The following EXOC1 variants were observed in gnomAD, a reference collection of about 807,000 sequenced individuals.
EXOC1 encodes exocyst complex component 1, also known as SEC3-like 1.
A neutral mutation model predicts 107.7 loss-of-function variants in EXOC1; 67 were observed. The observed-to-expected ratio is 0.62, with a 90% CI of 0.51 to 0.76. The LOEUF is 0.76. EXOC1 is among the 30% of genes least tolerant of loss of function. The pLI, the probability that EXOC1 is intolerant of heterozygous loss-of-function variation, is 0.00. For synonymous variants in EXOC1, 348 were observed against 353.5 expected (o/e 0.98, Z 0.17); for missense variants, 833 against 1,055.7 (o/e 0.79, Z 2.92).
At chr4:55,892,112 A>G (rs945228763) in intron 13 of EXOC1, among the ~76,000 whole-genome samples, 1 of 152,252 alleles carries the variant, frequency 6.6e-6, no homozygotes, top group Non-Finnish European at 1.5e-5. Context: ...CATAAAATAA[A>G]TGAGAAATGG....
chr4:55,877,949 C>T lies in EXOC1; in HGVS notation c.1107C>T (p.His369=), dbSNP rs1285234388. 1.2e-6 allele frequency: 2 copies of T among 1,613,794 alleles called. No homozygotes were observed. Among genetic ancestry groups the T allele is most frequent in the East Asian group, 2.2e-5 (1 of 44,840 alleles). The change falls in exon 9 of 19, where the codon CAC becomes CAT. Residue 369 remains histidine, a synonymous_variant. Transcript: ENST00000381295. The stretch of plus-strand genomic sequence containing the variant: ...ATCAGAGTTCGACTCTTGCCCAACA[C>T]TCTGTTGAACTGACTTTACCCAATC... The part of the protein sequence containing the change: ...GHDQSSTLAQ[H]SVELTLPNHH...
intron 18 of EXOC1, among the ~76,000 whole-genome samples, chr4:55,903,175 AAGAAAAAG>A (rs1480803613): frequency 8.7e-5 from 13 of 149,878 alleles, no homozygotes; most frequent in South Asian, 4.2e-4. Flanking sequence ...GAAAGAAAGA[AAGAAAAAG>A]AAAGAAAGAG....
intron 1 of EXOC1, among the ~76,000 whole-genome samples, chr4:55,855,046 G>A (rs1434670316): frequency 2.0e-5 from 3 of 152,184 alleles, no homozygotes; most frequent in Non-Finnish European, 4.4e-5. Flanking sequence ...TGGATAGGGC[G>A]GAGATGATAT....
chr4:55,867,308 T>G (rs1171234527), intron 4 of EXOC1, among the ~76,000 whole-genome samples: 2 of 152,192 alleles, frequency 1.3e-5, no homozygotes, highest in Non-Finnish European at 2.9e-5. Context: ...TACCAAAAGT[T>G]TTAGTCTTCT....
At chr4:55,861,963 A>C (rs1721515826) in intron 3 of EXOC1, among the ~76,000 whole-genome samples, 1 of 152,130 alleles carries the variant, frequency 6.6e-6, no homozygotes, top group Admixed American at 6.5e-5. Context: ...CTGAGGCAAG[A>C]GAATTGCTTG....
chr4:55,879,495 T>G (rs1301842704), intron 9 of EXOC1, among the ~76,000 whole-genome samples: 1 of 152,040 alleles, frequency 6.6e-6, no homozygotes, highest in Non-Finnish European at 1.5e-5. Context: ...CTGGAAGGGA[T>G]TGTGGACCAT....
chr4:55,869,785 T>G (rs889816354), intron 5 of EXOC1, among the ~76,000 whole-genome samples: 14 of 152,240 alleles, frequency 9.2e-5, no homozygotes, highest in African/African-American at 2.9e-4. Flanking sequence ...AAATAACGTG[T>G]GAAACCACAG....
intron 16 of EXOC1, among the ~76,000 whole-genome samples, chr4:55,897,287 C>T (rs1368997200): frequency 2.0e-5 from 3 of 151,960 alleles, no homozygotes; most frequent in Non-Finnish European, 2.9e-5. Context: ...CTACCATGCC[C>T]TGCTAATTTT....
At chr4:55,876,955 CT>C in intron 8 of EXOC1, 1 of 985,316 alleles carries the variant, frequency 1.0e-6, no homozygotes, top group Non-Finnish European at 1.2e-6. Flanking sequence ...ATACTCCCAT[CT>C]TTCTTTCTCA....
At chr4:55,868,123 G>C (rs1722117783) in intron 4 of EXOC1, among the ~76,000 whole-genome samples, 1 of 152,068 alleles carries the variant, frequency 6.6e-6, no homozygotes, top group African/African-American at 2.4e-5. Flanking sequence ...TAGACTGCAT[G>C]CTTTTTATTT....
At chr4:55,854,461 C>T (rs75597923) in intron 1 of EXOC1, among the ~76,000 whole-genome samples, 2,268 of 152,086 alleles carry the variant, frequency 0.015, 40 homozygotes, top group African/African-American at 0.046. Context: ...TAGAGGACCT[C>T]TAGGGATTTA....
chr4:55,889,266 A>G (rs1724241623), intron 11 of EXOC1, among the ~76,000 whole-genome samples: 1 of 152,218 alleles, frequency 6.6e-6, no homozygotes, highest in African/African-American at 2.4e-5. Flanking sequence ...TTTATCTTTA[A>G]TTGTACCTGT....
intron 8 of EXOC1, chr4:55,876,656 G>C: frequency 3.0e-6 from 3 of 985,242 alleles, no homozygotes; most frequent in Middle Eastern, 5.2e-4. Flanking sequence ...TCTAGTTCTT[G>C]TTATTTTGAA....
intron 15 of EXOC1, among the ~76,000 whole-genome samples, chr4:55,895,602 TCAACA>T (rs1725108053): frequency 6.6e-6 from 1 of 152,172 alleles, no homozygotes; most frequent in Admixed American, 6.5e-5. Flanking sequence ...TCCCCAAATC[TCAACA>T]CAATGAAATG....
rs1243580899 is a variant in EXOC1, at chr4:55,853,711, T to TA, written c.-252dup. ...AACGGCCGCTTCCCGTTCAACGCTTTATTGAGGGGCGTATCCTAGTGGCCC... is the reference window on the plus strand; with the variant it reads ...AACGGCCGCTTCCCGTTCAACGCTTTAATTGAGGGGCGTATCCTAGTGGCCC... On this transcript the variant is annotated 5_prime_UTR_variant, in exon 1 of 19. Coordinates refer to ENST00000381295, the MANE Select transcript of EXOC1 (RefSeq NM_001024924.2). 1 of 152,264 alleles carries TA rather than the reference T, an allele frequency of 6.6e-6. No homozygotes were observed. The highest frequency in any genetic ancestry group is 1.9e-4 in the East Asian group (1 of 5,190). 9.4% of individuals were successfully genotyped at this position (152,264 alleles called of 1,614,324 possible).
chr4:55,869,642 A>G lies in EXOC1; in HGVS notation c.604-1036A>G, dbSNP rs570784662. ...GAAAGCAAAGCCTAGAAATGATTTT[A>G]AGATGTTAAGGAAGAAATCCTGGGC... On this transcript the variant is annotated intron_variant, in intron 5 of 18. Transcript: ENST00000381295. 2.0e-5 allele frequency among the ~76,000 whole-genome samples: 3 copies of G among 152,322 alleles called. No individual in the cohort carries two copies. In the East Asian group the frequency reaches 5.8e-4, roughly 29 times the overall value.
At chr4:55,877,459 TCTA>T in intron 8 of EXOC1, 1 of 985,252 alleles carries the variant, frequency 1.0e-6, no homozygotes, top group Non-Finnish European at 1.2e-6. Flanking sequence ...GACTTTATAT[TCTA>T]CTTTTTTTTA....
intron 4 of EXOC1, 111 bp downstream of exon 4, chr4:55,864,497 C>A: frequency 1.0e-6 from 1 of 969,630 alleles, no homozygotes; most frequent in Non-Finnish European, 1.5e-6. Flanking sequence ...CGTAAAAGAA[C>A]TTTAAAATAA....
chr4:55,902,369 G>GC lies in EXOC1; in HGVS notation c.2364dup (p.Val789ArgfsTer17), dbSNP rs769652534. ...CATTTCTTTGAAGGTGTTGAAGCTC[G>GC]CGTGGCACAGGGCATAAGGGAGGAG... is the stretch of plus-strand genomic sequence containing the variant. On this transcript the variant is annotated frameshift_variant, in exon 18 of 19. Coordinates refer to ENST00000381295, the MANE Select transcript of EXOC1 (RefSeq NM_001024924.2). LOFTEE classifies it high-confidence loss of function. The GC allele has an allele frequency of 6.7e-7, 1 of 1,495,032 alleles. No individual in the cohort carries two copies. The highest frequency in any genetic ancestry group is 8.9e-7 in the Non-Finnish European group (1 of 1,126,232). The allele number at this position is 1,495,032 out of a possible 1,614,324, so 92.6% of individuals were successfully genotyped here.
Sources: gnomAD v4.1 joint callset for allele counts (sites outside exome capture counted in the v4.1 genomes callset) on GRCh38, gnomAD v4.1.1 for gene constraint, MANE v1.5 for transcripts, NCBI Gene and HGNC (gene_info 2026-07-23, HGNC 2026-07-21) for gene names.